Variants in CSMD2 observed in about 807,000 individuals in gnomAD.
CSMD2 encodes the protein CUB and sushi domain-containing protein 2.
CSMD2 carries 130 observed loss-of-function variants against 398.5 expected under a neutral mutation model. The observed-to-expected ratio is 0.33, with a 90% confidence interval of 0.28 to 0.38. The LOEUF is 0.38. Ranked by LOEUF, CSMD2 falls within the 10% of genes least tolerant of loss-of-function variation. CSMD2 has a pLI of 1.00. For synonymous variants in CSMD2, 1,828 were observed against 1,908.5 expected, an observed-to-expected ratio of 0.96 and a Z score of 1.10; for missense variants, 3,829 against 4,764.9, an observed-to-expected ratio of 0.80 and a Z score of 5.78.
intron 38 of CSMD2, among the ~76,000 whole-genome samples, 153 bp from the exon 39 acceptor site, chr1:33,617,128 T>C (rs753187893): frequency 3.3e-5 from 5 of 152,044 alleles, no homozygotes; most frequent in Non-Finnish European, 7.4e-5. Context: ...GGGAGTGAGG[T>C]AGAGGGAGAG....
intron 3 of CSMD2, among the ~76,000 whole-genome samples, chr1:33,995,400 C>A (rs911154783): frequency 1.3e-5 from 2 of 152,224 alleles, no homozygotes; most frequent in African/African-American, 4.8e-5. Flanking sequence ...GATGATTCAA[C>A]AGGGCCTAGT....
chr1:33,970,192 G>GATGA (rs748681707), intron 3 of CSMD2, among the ~76,000 whole-genome samples: 62 of 151,838 alleles, frequency 4.1e-4, no homozygotes, highest in African/African-American at 7.2e-4. Flanking sequence ...TGGCTCCTTA[G>GATGA]ATGAATGAAT....
rs1652195651 is a variant in CSMD2, at chr1:34,044,072, T to C, written c.405-11366A>G. On this transcript the variant is annotated intron_variant, in intron 2 of 70. Coordinates refer to ENST00000373381, the MANE Select transcript of CSMD2 (RefSeq NM_001281956.2). The stretch of plus-strand genomic sequence containing the variant: ...CTGACTTTGCTCTGTATCCTTTCAC[T>C]ATAATAAATCATAGCCATGGGTACA... 2.6e-5 allele frequency among the ~76,000 whole-genome samples: 4 copies of C among 152,194 alleles called. No individual in the cohort carries two copies. The South Asian group carries it at 8.3e-4, about 32-fold the overall frequency.
At chr1:33,818,219 C>T (rs1657693783) in intron 9 of CSMD2, among the ~76,000 whole-genome samples, 1 of 152,206 alleles carries the variant, frequency 6.6e-6, no homozygotes, top group African/African-American at 2.4e-5. Context: ...TAATTCTATG[C>T]CTCTCTGCAC....
intron 2 of CSMD2, among the ~76,000 whole-genome samples, chr1:34,067,720 C>A (rs1242352722): frequency 6.6e-6 from 1 of 152,126 alleles, no homozygotes; most frequent in Non-Finnish European, 1.5e-5. Flanking sequence ...AATCAGGGAC[C>A]CCCTATGAAG....
chr1:33,771,782 A>G (rs1311638161), intron 13 of CSMD2, among the ~76,000 whole-genome samples: 1 of 152,186 alleles, frequency 6.6e-6, no homozygotes, highest in Non-Finnish European at 1.5e-5. Flanking sequence ...AAGCACATGG[A>G]AAGAGATGGA....
chr1:33,737,755 T>C (rs1485365411), intron 15 of CSMD2, among the ~76,000 whole-genome samples: 2 of 152,166 alleles, frequency 1.3e-5, no homozygotes, highest in African/African-American at 2.4e-5. Flanking sequence ...CCAGTATTGA[T>C]TGAGCATCTA....
rs139499205 is a variant in CSMD2 at position 33,911,533 on chromosome 1, A to G, written c.920+6561T>C. Among the ~76,000 whole-genome samples, 702 of 152,328 alleles carry G rather than the reference A, an allele frequency of 4.6e-3. 11 individuals are homozygous for G. Among genetic ancestry groups the G allele is most frequent in the African/African-American group, 0.016 (678 of 41,572 alleles). On this transcript the variant is annotated intron_variant, in intron 5 of 70. Coordinates refer to ENST00000373381, the MANE Select transcript of CSMD2 (RefSeq NM_001281956.2). Reference sequence around the variant, plus strand: ...CAGAGTAGACAGTTTTTGTATCGCCACCTACAAAAACAAAAGCAAATGAAT... The same window carrying G: ...CAGAGTAGACAGTTTTTGTATCGCCGCCTACAAAAACAAAAGCAAATGAAT...
In CSMD2 at chr1:33,717,858, G is replaced by A. The variant is rs1646224462; in HGVS notation, c.3002-1357C>T. 5.3e-5 allele frequency among the ~76,000 whole-genome samples: 8 copies of A among 151,908 alleles called. No homozygotes were observed. The South Asian group carries it at 1.7e-3, about 32-fold the overall frequency. On this transcript the variant is annotated intron_variant, in intron 19 of 70. Coordinates refer to ENST00000373381, the MANE Select transcript of CSMD2 (RefSeq NM_001281956.2). The stretch of plus-strand genomic sequence containing the variant: ...CAATCAGAGAGCTGGAAAGAGGGAG[G>A]AGGGAGCTCCAGTAAGGGGGAAGGT...
At chr1:33,625,345 T>A in intron 33 of CSMD2, 91 bp from the exon 34 acceptor site, 1 of 1,243,430 alleles carries the variant, frequency 8.0e-7, no homozygotes, top group Non-Finnish European at 1.1e-6. Flanking sequence ...AAAGACCGTC[T>A]GGATGAAACC....
rs1646180969 is a variant in CSMD2, at chr1:33,716,657, T to C, written c.3002-156A>G. 2.6e-5 allele frequency among the ~76,000 whole-genome samples: 4 copies of C among 152,230 alleles called. No individual in the cohort carries two copies. In the South Asian group the frequency reaches 8.3e-4, roughly 31 times the overall value. ...GACAAATCATACAGGTGAATCTGAATGAAGGAACCTGAACACACAAGTGCC... is the reference window on the plus strand; with the variant it reads ...GACAAATCATACAGGTGAATCTGAACGAAGGAACCTGAACACACAAGTGCC... On this transcript the variant is annotated intron_variant, in intron 19 of 70. Transcript: ENST00000373381.
intron 1 of CSMD2, among the ~76,000 whole-genome samples, chr1:34,112,008 CTCTCTCTCTCTT>C (rs1352236685): frequency 3.9e-5 from 4 of 102,362 alleles, no homozygotes; most frequent in East Asian, 4.8e-4. Context: ...CTCTCTCTCT[CTCTCTCTCTCTT>C]TCTCTCTCTT....
intron 1 of CSMD2, among the ~76,000 whole-genome samples, chr1:34,160,140 G>A (rs561730850): frequency 7.2e-5 from 11 of 152,248 alleles, no homozygotes; most frequent in East Asian, 1.9e-4. Flanking sequence ...GGGCTCTGCC[G>A]GAGAAACCCA....
At chr1:33,976,503 A>G (rs1415778745) in intron 3 of CSMD2, among the ~76,000 whole-genome samples, 1 of 152,094 alleles carries the variant, frequency 6.6e-6, no homozygotes, top group Non-Finnish European at 1.5e-5. Context: ...CTGGAGCACC[A>G]TCTGACCCAG....
At chr1:33,951,579 C>T (rs558136162) in intron 3 of CSMD2, among the ~76,000 whole-genome samples, 1 of 152,312 alleles carries the variant, frequency 6.6e-6, no homozygotes, top group African/African-American at 2.4e-5. Context: ...CCTACCCCCT[C>T]GCCCGTCCTC....
chr1:33,997,956 A>T (rs1477167052), intron 3 of CSMD2, among the ~76,000 whole-genome samples: 1 of 152,128 alleles, frequency 6.6e-6, no homozygotes, highest in African/African-American at 2.4e-5. Flanking sequence ...TCTGCCCCTG[A>T]GGTGCAGACC....
intron 13 of CSMD2, among the ~76,000 whole-genome samples, chr1:33,754,303 G>A (rs1444785289): frequency 6.6e-6 from 1 of 152,134 alleles, no homozygotes; most frequent in Non-Finnish European, 1.5e-5. Context: ...GTTCATGCAA[G>A]ATCTGGTTGT....
chr1:33,609,983 G>A (rs1374143532), intron 41 of CSMD2, among the ~76,000 whole-genome samples: 1 of 152,156 alleles, frequency 6.6e-6, no homozygotes, highest in East Asian at 1.9e-4. Context: ...TTATAAAAGA[G>A]GCCTGAGAGA....
intron 1 of CSMD2, among the ~76,000 whole-genome samples, chr1:34,110,064 CAT>C (rs1055682221): frequency 4.0e-4 from 40 of 99,420 alleles, no homozygotes; most frequent in African/African-American, 1.3e-3. Context: ...AAAAAAAAGA[CAT>C]ATATGAGACT....
Sources: allele counts gnomAD v4.1 joint callset (sites outside exome capture counted in the v4.1 genomes callset), GRCh38; gene constraint gnomAD v4.1.1; transcripts MANE v1.5; gene names NCBI Gene and HGNC (gene_info 2026-07-23, HGNC 2026-07-21).